USP36: variants seen among roughly 807,000 people sequenced by gnomAD.
USP36 encodes ubiquitin specific peptidase 36, also known as ubiquitin carboxyl-terminal hydrolase 36.
In USP36, 59 loss-of-function variants were observed where a neutral mutation model predicts 111.5. The observed-to-expected ratio is 0.53, with a 90% CI of 0.43 to 0.66. USP36 has a LOEUF of 0.66. Among genes scored for constraint, USP36 ranks in the 30% least tolerant of loss-of-function variants. USP36 has a pLI of 0.00. For synonymous variants in USP36, 628 were observed against 581.0 expected (o/e 1.08, Z -1.16); for missense variants, 1,488 against 1,468.0 (o/e 1.01, Z -0.22).
rs1163242162 is a variant in USP36 at position 78,803,534 on chromosome 17, C to T, written c.2661G>A (p.Arg887=). ...EGQAQLPAVR[R]QEDGTQPQVN... ...CCTGTGGCTGTGTGCCATCTTCCTG[C>T]CGTCTGACAGCGGGCAGCTGTGCCT... Residue 887 remains arginine (R), a synonymous_variant, in exon 16 of 21, where the codon CGG becomes CGA. Coordinates refer to ENST00000449938, the MANE Select transcript of USP36 (RefSeq NM_001385174.1). The surrounding 1 kb of genome is among the most constrained non-coding windows in gnomAD (Gnocchi z 4.6). 6.2e-7 allele frequency: 1 copy of T among 1,613,626 alleles called. No individual in the cohort carries two copies. The highest frequency in any genetic ancestry group is 1.3e-5 in the African/African-American group (1 of 74,932).
chr17:78,805,396 T>G (rs1183618354), intron 15 of USP36, among the ~76,000 whole-genome samples: 1 of 151,920 alleles, frequency 6.6e-6, no homozygotes, highest in African/African-American at 2.4e-5. Context: ...GAGAGGAGAG[T>G]AAGGCAGAGG....
At chr17:78,802,593 C>A in intron 16 of USP36, 58 bp from the exon 17 acceptor site, 2 of 1,499,716 alleles carry the variant, frequency 1.3e-6, no homozygotes, top group Admixed American at 2.0e-5. Flanking sequence ...GGAGCAGGAG[C>A]GCACAGACAC....
At chr17:78,806,044 A>G (rs1010227242) in intron 15 of USP36, 112 bp downstream of exon 15, 11 of 1,565,910 alleles carry the variant, frequency 7.0e-6, no homozygotes, top group East Asian at 6.8e-5. Context: ...GGCTGCCCCA[A>G]TGCTTTGTCT....
In USP36 at chr17:78,821,016, T is replaced by C. The variant is rs747352765; in HGVS notation, c.803A>G (p.Tyr268Cys). 1 of 1,608,662 alleles carries C rather than the reference T, an allele frequency of 6.2e-7. No homozygotes were observed. Among genetic ancestry groups the C allele is most frequent in the South Asian group, 1.1e-5 (1 of 89,948 alleles). Residue 268 changes from tyrosine (Y) to cysteine (C), a missense_variant, in exon 8 of 21, where the codon TAC (tyrosine) becomes TGC (cysteine). By Grantham distance (194) the Tyr-to-Cys change is radical. Coordinates refer to ENST00000449938, the MANE Select transcript of USP36 (RefSeq NM_001385174.1). ...CCGGATCTCCAGCGCGACGTCCAAG[T>C]AGGGGTCGTAGGTGTCCGAGACGCT... Reference protein sequence around the residue: ...CKSVSDTYDPYLDVALEIRQA... With the variant: ...CKSVSDTYDPCLDVALEIRQA...
chr17:78,835,627 A>G, intron 3 of USP36, 126 bp from the exon 4 acceptor site: 1 of 959,566 alleles, frequency 1.0e-6, no homozygotes, highest in Non-Finnish European at 1.5e-6. Flanking sequence ...ACCAGAGAAG[A>G]ACTGGTGTTC....
intron 15 of USP36, 25 bp from the exon 16 acceptor site, chr17:78,804,003 G>A: frequency 1.3e-6 from 2 of 1,521,262 alleles, no homozygotes; most frequent in Non-Finnish European, 1.8e-6. Context: ...AGGAAACAGG[G>A]AGAGGATGTT....
chr17:78,806,924 G>GA (rs1371708826), intron 14 of USP36, 35 bp downstream of exon 14: 1 of 1,604,896 alleles, frequency 6.2e-7, no homozygotes, highest in Non-Finnish European at 8.5e-7. Flanking sequence ...GAGCTCTCCT[G>GA]ATACACAGCA....
rs3744794 is a variant in USP36 at position 78,818,656 on chromosome 17, C to T, written c.1023+11G>A. The stretch of plus-strand genomic sequence containing the variant: ...CACGGAGCTGCCTGGGATGGTGTCA[C>T]GAGCGCTCACCTTGGTGATCTTCCC... On this transcript the variant is annotated intron_variant, in intron 10 of 20. Coordinates refer to ENST00000449938, the MANE Select transcript of USP36 (RefSeq NM_001385174.1). 1.4e-4 allele frequency: 221 copies of T among 1,612,980 alleles called. No individual in the cohort carries two copies. The highest frequency in any genetic ancestry group is 1.6e-4 in the East Asian group (7 of 44,868).
chr17:78,822,034 A>G, intron 6 of USP36, 30 bp from the exon 7 acceptor site: 1 of 1,613,612 alleles, frequency 6.2e-7, no homozygotes, highest in Non-Finnish European at 8.5e-7. Context: ...CTTTAAGGGA[A>G]GGGCTCAGCA....
intron 10 of USP36, among the ~76,000 whole-genome samples, chr17:78,815,832 TATACATAC>T (rs1339738073): frequency 6.8e-6 from 1 of 146,942 alleles, no homozygotes; most frequent in African/African-American, 2.7e-5. Flanking sequence ...TGCACACATA[TATACATAC>T]ACACACACAT....
At chr17:78,828,030 C>G (rs1378094219) in intron 5 of USP36, among the ~76,000 whole-genome samples, 1 of 152,164 alleles carries the variant, frequency 6.6e-6, no homozygotes, top group Non-Finnish European at 1.5e-5. Context: ...TGGAGACCAG[C>G]CTGGGCAACA....
Position 78,803,926 on chromosome 17 carries a change from G to T in USP36, c.2269C>A (p.Pro757Thr). 2 of 1,599,774 alleles carry T rather than the reference G, an allele frequency of 1.3e-6. No homozygotes were observed. Among genetic ancestry groups the T allele is most frequent in the Non-Finnish European group, 8.5e-7 (1 of 1,174,010 alleles). The change falls in exon 16 of 21, where the codon CCC becomes ACC. Residue 757 changes from proline to threonine, a missense_variant. By Grantham distance (38) the Pro-to-Thr change is conservative. Around this residue, in one of 3 missense-constraint regions of USP36, gnomAD observed 1,073 missense variants for 994.1 expected, o/e 1.08. Transcript: ENST00000449938. The surrounding 1 kb of genome is among the most constrained non-coding windows in gnomAD (Gnocchi z 4.6). ...SSSRLQPPFS[P>T]HPTLLSSTPK... ...GTACTGGACAGCAATGTGGGGTGGG[G>T]GCTGAAGGGGGGTTGCAGGCGGCTG...
downstream of USP36, among the ~76,000 whole-genome samples, chr17:78,793,565 G>A (rs1020503717): frequency 6.6e-6 from 1 of 152,136 alleles, no homozygotes; most frequent in Non-Finnish European, 1.5e-5. Flanking sequence ...CAGGGAGTCA[G>A]CTCAGCTGAC....
chr17:78,799,823 G>A lies in USP36; in HGVS notation c.3023-55C>T, dbSNP rs561946464. 237 of 1,324,628 alleles carry A rather than the reference G, an allele frequency of 1.8e-4. 2 individuals are homozygous for A. The South Asian group carries it at 2.2e-3, about 12-fold the overall frequency. 82.1% of individuals were successfully genotyped at this position (1,324,628 alleles called of 1,614,324 possible). A position where few individuals can be genotyped will look rare whatever the true frequency, so the allele number is the denominator to read the frequency against. ...CAGACGTTTAAAATAACCCACTGGGGAAGCAATCGCACACCTTAAATTATA... is the reference window on the plus strand; with the variant it reads ...CAGACGTTTAAAATAACCCACTGGGAAAGCAATCGCACACCTTAAATTATA... On this transcript the variant is annotated intron_variant, in intron 17 of 20. Coordinates refer to ENST00000449938, the MANE Select transcript of USP36 (RefSeq NM_001385174.1).
At position 78,835,263 on chromosome 17, in the gene USP36, T is replaced by C. The variant is rs370913457; in HGVS notation, c.475+17A>G. The C allele has an allele frequency of 5.0e-6, 8 of 1,612,494 alleles. No individual in the cohort carries two copies. The East Asian group carries it at 6.7e-5, about 13-fold the overall frequency. ...AGAGGACCCACAGCCACCCCACTGC[T>C]GCAAACCCACACTCACAGCTGCGAG... On this transcript the variant is annotated intron_variant, in intron 4 of 20. Transcript: ENST00000449938.
At chr17:78,827,117 TG>T (rs776400567) in intron 6 of USP36, 127 bp downstream of exon 6, 2 of 1,064,282 alleles carry the variant, frequency 1.9e-6, no homozygotes, top group African/African-American at 3.1e-5. Context: ...AGGCAAATTC[TG>T]CCACGTCTAC....
intron 3 of USP36, 155 bp downstream of exon 3, chr17:78,835,956 T>C: frequency 9.3e-7 from 1 of 1,072,870 alleles, no homozygotes; most frequent in Non-Finnish European, 1.3e-6. Flanking sequence ...CCTGTATCAT[T>C]ACTTCTATAA....
rs1043080166 is a variant in USP36 at position 78,807,035 on chromosome 17, A to C, written c.2009T>G (p.Leu670Arg). The C allele has an allele frequency of 2.5e-6, 4 of 1,614,122 alleles. No individual in the cohort carries two copies. The African/African-American group carries it at 5.3e-5, about 22-fold the overall frequency. The stretch of plus-strand genomic sequence containing the variant: ...TGCAGGCTCAGTGGTGGTGTTGCTC[A>C]GGACAGGGGACTTCAGCTTCACCGT... ...SKTVKLKSPV[L>R]SNTTTEPAST... Residue 670 changes from leucine to arginine, a missense_variant, in exon 14 of 21, where the codon CTG (leucine) becomes CGG (arginine). Leu to Arg is a moderately radical substitution (Grantham distance 102). Transcript: ENST00000449938.
rs200685640 is a variant in USP36, at chr17:78,813,724, A to G, written c.1265+49T>C. ...GGTTAGGGAGGCCCACCGGTATAAG[A>G]AAAGAGCAGAGGGAGTGAGCTCATC... On this transcript the variant is annotated intron_variant, in intron 12 of 20. Coordinates refer to ENST00000449938, the MANE Select transcript of USP36 (RefSeq NM_001385174.1). 3.9e-6 allele frequency: 6 copies of G among 1,556,542 alleles called. No homozygotes were observed. The East Asian group carries it at 1.4e-4, about 35-fold the overall frequency.
Sources: gnomAD v4.1 joint callset for allele counts (sites outside exome capture counted in the v4.1 genomes callset) on GRCh38, gnomAD v4.1.1 for gene constraint, gnomAD v4.1.1 regional missense constraint, Gnocchi (gnomAD v3.1) non-coding constraint, MANE v1.5 for transcripts, NCBI Gene and HGNC (gene_info 2026-07-23, HGNC 2026-07-21) for gene names.